The following MAML3 variants were observed in gnomAD, a reference collection of about 807,000 sequenced individuals.
MAML3 encodes mastermind like transcriptional coactivator 3.
MAML3 carries 27 observed loss-of-function variants against 101.9 expected under a neutral mutation model. The ratio of observed to expected loss-of-function variants is 0.27; its 90% CI spans 0.20 to 0.37. MAML3 has a LOEUF of 0.37. MAML3 is among the 10% of genes least tolerant of loss of function. The pLI is 1.00. For missense variants in MAML3, 1,316 were observed against 1,444.9 expected (o/e 0.91, Z 1.45); for synonymous variants, 501 against 555.9 (o/e 0.90, Z 1.39).
chr4:139,939,833 C>T (rs973970930), intron 1 of MAML3, among the ~76,000 whole-genome samples: 2 of 149,366 alleles, frequency 1.3e-5, no homozygotes, highest in Middle Eastern at 3.5e-3. Context: ...GGCGCGATCT[C>T]GGCTCACTGC....
At chr4:140,077,887 G>A (rs575638903) in intron 1 of MAML3, among the ~76,000 whole-genome samples, 3 of 152,022 alleles carry the variant, frequency 2.0e-5, no homozygotes, top group East Asian at 1.9e-4. Context: ...GCATAGTGGC[G>A]GGCACCTGTA....
chr4:139,961,448 G>A (rs931374599), intron 1 of MAML3, among the ~76,000 whole-genome samples: 2 of 152,238 alleles, frequency 1.3e-5, no homozygotes, highest in East Asian at 1.9e-4. Context: ...TCCTGGAGTC[G>A]AAACAGAATG....
intron 2 of MAML3, among the ~76,000 whole-genome samples, chr4:139,736,479 T>C (rs2111009302): frequency 6.6e-6 from 1 of 152,226 alleles, no homozygotes; most frequent in East Asian, 1.9e-4. Flanking sequence ...CCATCTGACC[T>C]CTCTCAGTCC....
chr4:140,075,322 A>C (rs1727747717), intron 1 of MAML3, among the ~76,000 whole-genome samples: 1 of 152,192 alleles, frequency 6.6e-6, no homozygotes, highest in Non-Finnish European at 1.5e-5. Flanking sequence ...AATTAACTGC[A>C]TTAAAGAATT....
chr4:140,117,530 A>G (rs1317693257), intron 1 of MAML3, among the ~76,000 whole-genome samples: 2 of 152,106 alleles, frequency 1.3e-5, no homozygotes, highest in Admixed American at 6.6e-5. Context: ...TCAGTTTTTT[A>G]TACTGCAAAA....
intron 2 of MAML3, among the ~76,000 whole-genome samples, chr4:139,874,538 A>G (rs569758835): frequency 2.6e-5 from 4 of 152,270 alleles, no homozygotes; most frequent in South Asian, 2.1e-4. Flanking sequence ...GAATCTTTCT[A>G]TCTTTGTATG....
chr4:139,813,767 CAG>C (rs1165516264), intron 2 of MAML3, among the ~76,000 whole-genome samples: 1 of 151,982 alleles, frequency 6.6e-6, no homozygotes, highest in Non-Finnish European at 1.5e-5. Context: ...GCCATCCAGA[CAG>C]GGGCCAAAGG....
At chr4:139,784,159 C>A (rs979220081) in intron 2 of MAML3, among the ~76,000 whole-genome samples, 11 of 152,354 alleles carry the variant, frequency 7.2e-5, no homozygotes, top group African/African-American at 1.2e-4. Flanking sequence ...AACAAGCGAG[C>A]CTTTGTTGAT....
intron 1 of MAML3, among the ~76,000 whole-genome samples, chr4:139,968,686 G>A (rs1371338707): frequency 6.6e-6 from 1 of 152,160 alleles, no homozygotes; most frequent in Non-Finnish European, 1.5e-5. Flanking sequence ...CAAGTACTCT[G>A]CCACCTTGAG....
rs1387218069 is a variant in MAML3, at chr4:139,991,065, T to C, written c.469-100098A>G. 5.3e-5 allele frequency among the ~76,000 whole-genome samples: 8 copies of C among 152,250 alleles called. No individual in the cohort carries two copies. In the East Asian group the frequency reaches 1.2e-3, roughly 22 times the overall value. On this transcript the variant is annotated intron_variant, in intron 1 of 4. Transcript: ENST00000509479. ...GGAAAAAACTACTTTAAAGTTCATA[T>C]AGAACCAAAAGAGAGCCCGCATCTC...
chr4:139,950,761 C>A (rs1198643805), intron 1 of MAML3, among the ~76,000 whole-genome samples: 2 of 152,156 alleles, frequency 1.3e-5, no homozygotes, highest in South Asian at 2.1e-4. Flanking sequence ...CTGTGTAAGT[C>A]CCCAAGTAGG....
At chr4:140,031,959 A>C (rs939919795) in intron 1 of MAML3, among the ~76,000 whole-genome samples, 4 of 152,194 alleles carry the variant, frequency 2.6e-5, no homozygotes, top group Non-Finnish European at 5.9e-5. Flanking sequence ...AGCAACTGGA[A>C]CTAACTTGCA....
At chr4:140,017,544 A>G (rs1034731262) in intron 1 of MAML3, among the ~76,000 whole-genome samples, 14 of 152,202 alleles carry the variant, frequency 9.2e-5, no homozygotes, top group African/African-American at 3.1e-4. Flanking sequence ...TATAAAAAAC[A>G]AATTATCTTT....
intron 2 of MAML3, among the ~76,000 whole-genome samples, chr4:139,743,739 T>C (rs1268819333): frequency 6.6e-6 from 1 of 152,230 alleles, no homozygotes; most frequent in Non-Finnish European, 1.5e-5. Flanking sequence ...TGAAGGTTAC[T>C]TTCTATAGAA....
chr4:139,933,385 C>T (rs1733441362), intron 1 of MAML3, among the ~76,000 whole-genome samples: 1 of 152,186 alleles, frequency 6.6e-6, no homozygotes, highest in African/African-American at 2.4e-5. Flanking sequence ...CTGTAACTTG[C>T]TGTCAAGAGA....
chr4:140,084,775 G>A (rs1334174135), intron 1 of MAML3, among the ~76,000 whole-genome samples: 2 of 152,160 alleles, frequency 1.3e-5, no homozygotes, highest in Non-Finnish European at 2.9e-5. Context: ...CAAAGAAAGA[G>A]AATCCTTTAA....
rs969362903 is a variant in MAML3, at chr4:139,718,063, G to GA, written c.*1259dup. 1 of 152,098 alleles carries GA rather than the reference G, an allele frequency of 6.6e-6. No individual in the cohort carries two copies. The highest frequency in any genetic ancestry group is 1.5e-5 in the Non-Finnish European group (1 of 68,014). 9.4% of individuals were successfully genotyped at this position (152,098 alleles called of 1,614,324 possible). On this transcript the variant is annotated 3_prime_UTR_variant, in exon 5 of 5. Coordinates refer to ENST00000509479, the MANE Select transcript of MAML3 (RefSeq NM_018717.5). ...TATATTTGTCTTTCTGATGAGTAGG[G>GA]ATGATGGGAAAGGTGGATTTTTAGA...
At chr4:139,925,223 TTTTG>T (rs111291885) in intron 1 of MAML3, among the ~76,000 whole-genome samples, 34 of 151,920 alleles carry the variant, frequency 2.2e-4, no homozygotes, top group Non-Finnish European at 3.2e-4. Flanking sequence ...CCTGTACTCT[TTTTG>T]TTTGTTTGTT....
chr4:139,866,880 A>G (rs1731908683), intron 2 of MAML3, among the ~76,000 whole-genome samples: 1 of 152,212 alleles, frequency 6.6e-6, no homozygotes, highest in Admixed American at 6.5e-5. Context: ...TATAGCGCTA[A>G]TACATCTCAT....
Sources: gnomAD v4.1 joint callset for allele counts (sites outside exome capture counted in the v4.1 genomes callset) on GRCh38, gnomAD v4.1.1 for gene constraint, MANE v1.5 for transcripts, NCBI Gene and HGNC (gene_info 2026-07-23, HGNC 2026-07-21) for gene names.